ESRRG: variants seen among roughly 807,000 people sequenced by gnomAD.
The protein encoded by ESRRG is estrogen related receptor gamma.
ESRRG carries 13 observed loss-of-function variants against 44.0 expected under a neutral mutation model. That is an observed-to-expected ratio of 0.30 (90% CI 0.19 to 0.47). ESRRG has a LOEUF of 0.47. Among genes scored for constraint, ESRRG ranks in the 20% least tolerant of loss-of-function variants. The probability of loss-of-function intolerance (pLI) is 1.00; values close to 1 mark genes in which losing one functional copy is unlikely to be tolerated. For missense variants in ESRRG, 395 were observed against 580.6 expected (o/e 0.68, Z 3.29); for synonymous variants, 215 against 214.6 (o/e 1.00, Z -0.02).
chr1:216,653,845 G>T (rs528769334), intron 2 of ESRRG, among the ~76,000 whole-genome samples: 1 of 152,190 alleles, frequency 6.6e-6, no homozygotes, highest in Admixed American at 6.5e-5. Flanking sequence ...CAGGTGCAGT[G>T]GTTCACGCCT....
At chr1:216,923,600 C>T (rs774819175) in intron 2 of ESRRG, among the ~76,000 whole-genome samples, 6 of 150,948 alleles carry the variant, frequency 4.0e-5, no homozygotes, top group Admixed American at 6.6e-5. Context: ...TCGGCAGATC[C>T]GAGCAGAGGA....
chr1:216,966,981 T>A (rs1358085312), intron 1 of ESRRG, among the ~76,000 whole-genome samples: 2 of 152,162 alleles, frequency 1.3e-5, no homozygotes, highest in East Asian at 3.9e-4. Flanking sequence ...TCCAGCCTTG[T>A]GTACACATCC....
At chr1:216,509,099 T>C (rs2042001796) in intron 6 of ESRRG, among the ~76,000 whole-genome samples, 2 of 152,160 alleles carry the variant, frequency 1.3e-5, no homozygotes, top group Admixed American at 6.5e-5. Context: ...TCATTTTACC[T>C]CCCCAAGCCC....
intron 2 of ESRRG, among the ~76,000 whole-genome samples, chr1:216,869,544 AT>A (rs1307482776): frequency 6.6e-6 from 1 of 152,086 alleles, no homozygotes; most frequent in Admixed American, 6.5e-5. Flanking sequence ...TTGCCTTTCC[AT>A]AAAAACTTTA....
chr1:217,136,826 T>C (rs1443264061), intron 1 of ESRRG, among the ~76,000 whole-genome samples: 2 of 152,164 alleles, frequency 1.3e-5, no homozygotes, highest in Non-Finnish European at 2.9e-5. Flanking sequence ...GTTCCTGAGG[T>C]TGCTACGCTA....
chr1:216,959,973 C>T lies in ESRRG; in HGVS notation c.-105-20300G>A, dbSNP rs116239079. ...CACTTTACAGATAAGAACATTGAGG[C>T]TTAGGGTGTTTAAGTAACTTGTTAA... is the stretch of plus-strand genomic sequence containing the variant. On this transcript the variant is annotated intron_variant, in intron 1 of 7. Transcript: ENST00000359162. 2.8e-3 allele frequency among the ~76,000 whole-genome samples: 431 copies of T among 152,170 alleles called. 3 individuals carry two copies. Among genetic ancestry groups the T allele is most frequent in the African/African-American group, 9.8e-3 (407 of 41,518 alleles).
chr1:217,022,582 C>G (rs978747617), intron 1 of ESRRG, among the ~76,000 whole-genome samples: 2 of 152,134 alleles, frequency 1.3e-5, no homozygotes, highest in African/African-American at 4.8e-5. Context: ...GTCCTCACAG[C>G]TGGAAGGCTG....
chr1:216,711,484 T>A (rs1292294185), intron 1 of ESRRG, among the ~76,000 whole-genome samples: 1 of 152,148 alleles, frequency 6.6e-6, no homozygotes, highest in Non-Finnish European at 1.5e-5. Flanking sequence ...TGGTATCTTT[T>A]CCCCAATTTG....
intron 5 of ESRRG, among the ~76,000 whole-genome samples, chr1:216,537,167 A>G (rs2051228290): frequency 6.6e-6 from 1 of 152,066 alleles, no homozygotes; most frequent in Non-Finnish European, 1.5e-5. Flanking sequence ...TTAGGTCATG[A>G]AGGTGAACAG....
intron 1 of ESRRG, among the ~76,000 whole-genome samples, chr1:217,080,762 T>C (rs1180379495): frequency 9.5e-5 from 14 of 147,820 alleles, no homozygotes; most frequent in Non-Finnish European, 3.0e-5. Flanking sequence ...ACTGCAAGCT[T>C]CGCCTCCCGG....
At chr1:216,965,423 AC>A (rs1480939214) in intron 1 of ESRRG, among the ~76,000 whole-genome samples, 1 of 152,144 alleles carries the variant, frequency 6.6e-6, no homozygotes, top group African/African-American at 2.4e-5. Context: ...GAATGTTATC[AC>A]CACAATCATC....
intron 1 of ESRRG, among the ~76,000 whole-genome samples, chr1:217,076,497 G>A (rs2091308364): frequency 6.6e-6 from 1 of 152,138 alleles, no homozygotes; most frequent in Non-Finnish European, 1.5e-5. Context: ...CCAGAGAAAT[G>A]CAAATATTAT....
chr1:216,752,143 A>C (rs138035259), intron 2 of ESRRG, among the ~76,000 whole-genome samples: 90 of 152,262 alleles, frequency 5.9e-4, no homozygotes, highest in African/African-American at 2.1e-3. Context: ...TATTATTCCC[A>C]TTTAACAGAT....
At chr1:216,894,452 A>C (rs945087763) in intron 2 of ESRRG, among the ~76,000 whole-genome samples, 2 of 152,214 alleles carry the variant, frequency 1.3e-5, no homozygotes, top group South Asian at 4.2e-4. Flanking sequence ...GCTGGAGTGA[A>C]TCATCTATAT....
intron 2 of ESRRG, among the ~76,000 whole-genome samples, chr1:216,786,828 A>G (rs1252128235): frequency 3.3e-5 from 5 of 152,144 alleles, no homozygotes; most frequent in Non-Finnish European, 5.9e-5. Context: ...ATACACACTA[A>G]GTGTCTAAGA....
intron 1 of ESRRG, among the ~76,000 whole-genome samples, chr1:216,990,339 A>T (rs563951904): frequency 6.6e-6 from 1 of 152,380 alleles, no homozygotes; most frequent in Non-Finnish European, 1.5e-5. Context: ...ATATTTTTTT[A>T]AAGTAAAAAG....
intron 2 of ESRRG, among the ~76,000 whole-genome samples, chr1:216,780,431 T>G (rs971771362): frequency 1.3e-5 from 2 of 152,022 alleles, no homozygotes; most frequent in African/African-American, 2.4e-5. Context: ...ATTGATAGAT[T>G]GGAACAATTT....
At chr1:216,646,901 A>G (rs944566881) in intron 3 of ESRRG, among the ~76,000 whole-genome samples, 1 of 152,164 alleles carries the variant, frequency 6.6e-6, no homozygotes, top group African/African-American at 2.4e-5. Flanking sequence ...TCTTTTGCTC[A>G]CCTGCAAATG....
At chr1:216,778,102 G>A (rs1434742702) in intron 2 of ESRRG, among the ~76,000 whole-genome samples, 3 of 152,208 alleles carry the variant, frequency 2.0e-5, no homozygotes, top group Admixed American at 2.0e-4. Flanking sequence ...GAAACCTGTT[G>A]AAGCTTGTAT....
Sources: allele counts gnomAD v4.1 joint callset (sites outside exome capture counted in the v4.1 genomes callset), GRCh38; gene constraint gnomAD v4.1.1; transcripts MANE v1.5; gene names NCBI Gene and HGNC (gene_info 2026-07-23, HGNC 2026-07-21).